SRP19: variants seen among roughly 807,000 people sequenced by gnomAD.
SRP19 encodes signal recognition particle 19.
Under a neutral mutation model 22.4 loss-of-function variants are expected in SRP19, and 11 were observed. The ratio of observed to expected loss-of-function variants is 0.49; its 90% CI spans 0.31 to 0.81. The LOEUF is 0.81. SRP19 is among the 40% of genes least tolerant of loss of function. SRP19 has a pLI of 0.05. For missense variants in SRP19, 168 were observed against 175.9 expected (o/e 0.96, Z 0.25); for synonymous variants, 61 against 57.6 (o/e 1.06, Z -0.27).
At chr5:112,865,198 T>C (rs944746893) in intron 4 of SRP19, 1 of 152,584 alleles carries the variant, frequency 6.6e-6, no homozygotes, top group African/African-American at 2.4e-5. Flanking sequence ...AAAATATTAC[T>C]ATTTATTGAT....
At chr5:112,865,596 G>A (rs1767573747) in intron 4 of SRP19, among the ~76,000 whole-genome samples, 1 of 151,230 alleles carries the variant, frequency 6.6e-6, no homozygotes, top group Non-Finnish European at 1.5e-5. Flanking sequence ...CGAACTGACA[G>A]CTTGTTTGAT....
chr5:112,864,568 T>C (rs1035716412), intron 3 of SRP19, 40 bp downstream of exon 3: 2 of 1,611,512 alleles, frequency 1.2e-6, no homozygotes, highest in Non-Finnish European at 1.7e-6. Flanking sequence ...ACTCATCTAA[T>C]TGATGTAATA....
At chr5:112,877,447 A>G (rs933732950) in intron 4 of SRP19, 1 of 152,184 alleles carries the variant, frequency 6.6e-6, no homozygotes, top group South Asian at 2.1e-4. Context: ...ATTGCTCTCT[A>G]TAACGATTTG....
At chr5:112,872,510 G>C (rs1018316792), downstream of SRP19, among the ~76,000 whole-genome samples, 69 of 152,128 alleles carry the variant, frequency 4.5e-4, no homozygotes, top group African/African-American at 1.6e-3. Flanking sequence ...TGTATTTTTA[G>C]TAGAGATGGG....
intron 4 of SRP19, among the ~76,000 whole-genome samples, chr5:112,881,676 C>G (rs549387570): frequency 7.1e-4 from 108 of 152,314 alleles, no homozygotes; most frequent in Non-Finnish European, 1.3e-3. Context: ...GTAGCCTTCC[C>G]TTTCCCTGTC....
At chr5:112,885,880 G>T in intron 4 of SRP19, 1 of 194,104 alleles carries the variant, frequency 5.2e-6, no homozygotes. Flanking sequence ...TCTCAGTGAA[G>T]GAAGACTTTG....
downstream of SRP19, among the ~76,000 whole-genome samples, chr5:112,870,288 A>G (rs1767728830): frequency 6.6e-6 from 1 of 152,044 alleles, no homozygotes; most frequent in African/African-American, 2.4e-5. Context: ...GGAAGTCGGG[A>G]CCAACCTGGG....
chr5:112,864,617 T>C lies in SRP19; in HGVS notation c.190-4T>C. ...CTGTTTTTCTTTTGTTTCGTTTATG[T>C]TAGAAAAATAAAATGTACTCTAGAG... is the stretch of plus-strand genomic sequence containing the variant. On this transcript the variant is annotated splice_region_variant and splice_polypyrimidine_tract_variant and intron_variant, in intron 3 of 4. Transcript: ENST00000505459. The C allele has an allele frequency of 6.2e-7, 1 of 1,613,506 alleles. No individual in the cohort carries two copies. Among genetic ancestry groups the C allele is most frequent in the Non-Finnish European group, 8.5e-7 (1 of 1,179,484 alleles).
At chr5:112,879,543 G>A (rs938166906) in intron 4 of SRP19, among the ~76,000 whole-genome samples, 2 of 152,158 alleles carry the variant, frequency 1.3e-5, no homozygotes, top group Admixed American at 6.5e-5. Flanking sequence ...GCGCGATCTC[G>A]GCTCACTACA....
At chr5:112,863,825 C>T (rs1209580417) in intron 2 of SRP19, among the ~76,000 whole-genome samples, 1 of 152,056 alleles carries the variant, frequency 6.6e-6, no homozygotes, top group South Asian at 2.1e-4. Context: ...CCACCATGTC[C>T]GGCTACTTTG....
At chr5:112,878,315 T>TAGTC (rs1767959140) in intron 4 of SRP19, 1 of 157,208 alleles carries the variant, frequency 6.4e-6, no homozygotes, top group Non-Finnish European at 1.4e-5. Flanking sequence ...ATGCATGTTG[T>TAGTC]AGTCAGACAG....
intron 4 of SRP19, among the ~76,000 whole-genome samples, chr5:112,881,502 C>T (rs998703421): frequency 6.6e-6 from 1 of 152,128 alleles, no homozygotes; most frequent in Non-Finnish European, 1.5e-5. Context: ...TTTCCTTTAC[C>T]TTCTTGCTCT....
chr5:112,885,479 G>A (rs914682198), intron 4 of SRP19: 17 of 194,998 alleles, frequency 8.7e-5, no homozygotes, highest in African/African-American at 4.0e-4. Context: ...CCATCTATTT[G>A]ATGCTTGACA....
chr5:112,876,050 T>G (rs1309209115), intron 4 of SRP19, among the ~76,000 whole-genome samples: 1 of 151,960 alleles, frequency 6.6e-6, no homozygotes, highest in Non-Finnish European at 1.5e-5. Flanking sequence ...AAAAAAAGTT[T>G]ATTACATCAA....
At chr5:112,891,987 G>T (rs1466900921) in exon 5 of SRP19, 1 of 1,257,276 alleles carries the variant, frequency 8.0e-7, no homozygotes. Flanking sequence ...AGGAACAATG[G>T]AAAGAACAGC....
At chr5:112,885,310 CAGCAA>C (rs1424686474) in intron 4 of SRP19, 2 of 173,686 alleles carry the variant, frequency 1.2e-5, no homozygotes, top group African/African-American at 4.8e-5. Flanking sequence ...TGACCTGAAA[CAGCAA>C]GTGGTAGATT....
At chr5:112,878,837 T>C (rs1767975965) in intron 4 of SRP19, 7 of 1,613,892 alleles carry the variant, frequency 4.3e-6, no homozygotes, top group Non-Finnish European at 5.9e-6. Flanking sequence ...CTTTCTTCGC[T>C]GTTTGTTTGT....
chr5:112,886,332 C>T (rs1768243035), intron 4 of SRP19, among the ~76,000 whole-genome samples: 2 of 152,180 alleles, frequency 1.3e-5, no homozygotes. Context: ...TGAGGTTGTA[C>T]TTTTTCTAAA....
downstream of SRP19, among the ~76,000 whole-genome samples, chr5:112,870,568 G>C (rs1437371568): frequency 4.6e-5 from 7 of 152,178 alleles, no homozygotes. Flanking sequence ...GGGCAATAAG[G>C]ATTGTCAGTG....
Sources: gnomAD v4.1 joint callset for allele counts (sites outside exome capture counted in the v4.1 genomes callset) on GRCh38, gnomAD v4.1.1 for gene constraint, MANE v1.5 for transcripts, NCBI Gene and HGNC (gene_info 2026-07-23, HGNC 2026-07-21) for gene names.